SGCZ: variants seen among roughly 807,000 people sequenced by gnomAD.
SGCZ encodes zeta-sarcoglycan.
Under a neutral mutation model 41.3 loss-of-function variants are expected in SGCZ, and 40 were observed. The observed-to-expected ratio is 0.97, with a 90% CI of 0.75 to 1.26. The LOEUF (loss-of-function observed/expected upper bound fraction) is 1.26. Among genes scored for constraint, SGCZ ranks in the 50% most tolerant of loss-of-function variants. The probability of loss-of-function intolerance (pLI) is 0.00; values close to 1 mark genes in which losing one functional copy is unlikely to be tolerated. For missense variants in SGCZ, 552 were observed against 369.8 expected (o/e 1.49, Z -4.04); for synonymous variants, 206 against 137.5 (o/e 1.50, Z -3.49).
intron 1 of SGCZ, among the ~76,000 whole-genome samples, chr8:14,612,780 A>G (rs1020269853): frequency 1.3e-5 from 2 of 151,994 alleles, no homozygotes; most frequent in African/African-American, 4.8e-5. Context: ...TCCACCTCCC[A>G]AGCTCAAATG....
At chr8:14,732,498 C>T (rs899095691) in intron 1 of SGCZ, among the ~76,000 whole-genome samples, 3 of 152,174 alleles carry the variant, frequency 2.0e-5, no homozygotes, top group Non-Finnish European at 4.4e-5. Context: ...TCTAAGCCCT[C>T]TGCATGTTAG....
intron 1 of SGCZ, among the ~76,000 whole-genome samples, chr8:15,020,236 C>G (rs1803200128): frequency 2.0e-5 from 3 of 152,122 alleles, no homozygotes; most frequent in Admixed American, 6.5e-5. Flanking sequence ...GCAATTTAAG[C>G]TTGGTTTGCT....
intron 1 of SGCZ, among the ~76,000 whole-genome samples, chr8:15,019,353 C>T (rs545052340): frequency 6.6e-6 from 1 of 152,096 alleles, no homozygotes; most frequent in Non-Finnish European, 1.5e-5. Context: ...AAAGGGCAAC[C>T]GTGGATCTGT....
rs187112511 is a variant in SGCZ, at chr8:14,736,120, T to C, written c.40-181194A>G. Among the ~76,000 whole-genome samples, 29 of 152,232 alleles carry C rather than the reference T, an allele frequency of 1.9e-4. 1 individual carries two copies. The highest frequency in any genetic ancestry group is 1.9e-3 in the Admixed American group (29 of 15,272). On this transcript the variant is annotated intron_variant, in intron 1 of 7. Transcript: ENST00000382080. ...TATCATACTTGGTGCTTTTGGTAAA[T>C]ATTTTTCCAAATCATGCTCCCTGCT...
intron 5 of SGCZ, among the ~76,000 whole-genome samples, chr8:14,128,286 C>A (rs886736811): frequency 2.6e-5 from 4 of 152,098 alleles, no homozygotes; most frequent in African/African-American, 7.2e-5. Flanking sequence ...AGCAAACCAA[C>A]AAACCATGTT....
intron 1 of SGCZ, among the ~76,000 whole-genome samples, chr8:14,569,568 C>G (rs1006971921): frequency 6.6e-6 from 1 of 152,122 alleles, no homozygotes; most frequent in African/African-American, 2.4e-5. Flanking sequence ...CATGAGCAAA[C>G]AAAAATCCCT....
intron 1 of SGCZ, among the ~76,000 whole-genome samples, chr8:15,145,070 G>T (rs143908068): frequency 6.6e-6 from 1 of 152,120 alleles, no homozygotes; most frequent in African/African-American, 2.4e-5. Flanking sequence ...ATCTTTAAAT[G>T]ATTGCACAGA....
In SGCZ at chr8:14,970,428, T is replaced by C. The variant is rs187524657; in HGVS notation, c.39+267157A>G. ...GGCACAGAAGTTTTTTTCCTTATGT[T>C]TCCTTCTAAAAGTTTTATAATTTTA... On this transcript the variant is annotated intron_variant, in intron 1 of 7. Transcript: ENST00000382080. Among the ~76,000 whole-genome samples, 213 of 152,266 alleles carry C rather than the reference T, an allele frequency of 1.4e-3. 3 individuals are homozygous for C. Among genetic ancestry groups the C allele is most frequent in the African/African-American group, 5.0e-3 (208 of 41,586 alleles).
In SGCZ at chr8:14,799,078, T is replaced by G. The variant is rs147618731; in HGVS notation, c.40-244152A>C. On this transcript the variant is annotated intron_variant, in intron 1 of 7. Coordinates refer to ENST00000382080, the MANE Select transcript of SGCZ (RefSeq NM_139167.4). ...TACAAATTAAAAAATTATTTTTATG[T>G]AAATATTAAATTAATTTTTTAACTG... Among the ~76,000 whole-genome samples the G allele has an allele frequency of 8.5e-3, 1,292 of 152,040 alleles. 14 individuals carry two copies. Among genetic ancestry groups the G allele is most frequent in the African/African-American group, 0.029 (1,225 of 41,564 alleles).
intron 2 of SGCZ, among the ~76,000 whole-genome samples, chr8:14,466,072 G>A (rs77411756): frequency 0.041 from 6,234 of 151,760 alleles, 400 homozygotes; most frequent in African/African-American, 0.14. Context: ...CTCTTCATAC[G>A]GCTTTAAGTT....
intron 3 of SGCZ, among the ~76,000 whole-genome samples, chr8:14,289,950 A>G (rs547916466): frequency 6.6e-6 from 1 of 152,146 alleles, no homozygotes; most frequent in African/African-American, 2.4e-5. Context: ...TTCATAAGGC[A>G]GGAGAGTGAG....
chr8:14,913,085 G>T (rs1799325355), intron 1 of SGCZ, among the ~76,000 whole-genome samples: 1 of 151,566 alleles, frequency 6.6e-6, no homozygotes, highest in Admixed American at 6.6e-5. Context: ...TAAATAGAAA[G>T]AAAAAAATTT....
At chr8:14,639,753 A>G (rs1478210564) in intron 1 of SGCZ, among the ~76,000 whole-genome samples, 1 of 151,802 alleles carries the variant, frequency 6.6e-6, no homozygotes, top group Admixed American at 6.6e-5. Context: ...TTTGTACTGG[A>G]AAAGAAGATG....
Position 14,660,917 on chromosome 8 carries a change from T to G in SGCZ, c.40-105991A>C, listed in dbSNP as rs574348130. Among the ~76,000 whole-genome samples the G allele has an allele frequency of 3.3e-5, 5 of 152,268 alleles. No individual in the cohort carries two copies. In the South Asian group the frequency reaches 1.0e-3, roughly 32 times the overall value. Reference sequence around the variant, plus strand: ...ACCTGATTTACTTTTCAAAATTTTGTTTAGGCTCAAATCTGAAGAATTTAC... The same window carrying G: ...ACCTGATTTACTTTTCAAAATTTTGGTTAGGCTCAAATCTGAAGAATTTAC... On this transcript the variant is annotated intron_variant, in intron 1 of 7. Transcript: ENST00000382080.
intron 1 of SGCZ, among the ~76,000 whole-genome samples, chr8:14,697,202 T>C (rs1040098545): frequency 1.3e-5 from 2 of 152,000 alleles, no homozygotes; most frequent in African/African-American, 4.8e-5. Context: ...CAGGTCACTA[T>C]AGAATTTGGA....
intron 1 of SGCZ, among the ~76,000 whole-genome samples, chr8:14,803,419 T>G (rs1431957279): frequency 1.3e-5 from 2 of 151,992 alleles, no homozygotes; most frequent in Admixed American, 6.6e-5. Flanking sequence ...CACTCGGGAA[T>G]CGCAAGGGGT....
intron 1 of SGCZ, among the ~76,000 whole-genome samples, chr8:15,055,648 A>G (rs1470441263): frequency 1.3e-5 from 2 of 152,226 alleles, no homozygotes; most frequent in African/African-American, 2.4e-5. Context: ...CCATGTGGAT[A>G]TCTCACTTGT....
intron 1 of SGCZ, among the ~76,000 whole-genome samples, chr8:14,868,223 G>T (rs994410602): frequency 6.6e-6 from 1 of 152,116 alleles, no homozygotes; most frequent in African/African-American, 2.4e-5. Context: ...AAAAAACACA[G>T]CCACAGATGT....
chr8:14,945,080 T>A (rs1040558498), intron 1 of SGCZ, among the ~76,000 whole-genome samples: 2 of 138,426 alleles, frequency 1.4e-5, no homozygotes, highest in African/African-American at 2.7e-5. Flanking sequence ...CTTATTCAAG[T>A]ACAACATGCA....
Sources: allele counts gnomAD v4.1 joint callset (sites outside exome capture counted in the v4.1 genomes callset), GRCh38; gene constraint gnomAD v4.1.1; transcripts MANE v1.5; gene names NCBI Gene and HGNC (gene_info 2026-07-23, HGNC 2026-07-21).